Variants in GALNTL6 observed in about 807,000 individuals in gnomAD.
GALNTL6 encodes the protein polypeptide N-acetylgalactosaminyltransferase-like 6.
GALNTL6 carries 46 observed loss-of-function variants against 73.7 expected under a neutral mutation model. That is an observed-to-expected ratio of 0.62 (90% CI 0.49 to 0.80). The LOEUF (loss-of-function observed/expected upper bound fraction) is 0.80, where lower values mean the gene tolerates loss of function less well. Ranked by LOEUF, GALNTL6 falls within the 30% of genes least tolerant of loss-of-function variation. The pLI, the probability that GALNTL6 is intolerant of heterozygous loss-of-function variation, is 0.00. For synonymous variants in GALNTL6, 259 were observed against 263.7 expected (o/e 0.98, Z 0.17); for missense variants, 604 against 755.0 (o/e 0.80, Z 2.34).
chr4:172,803,092 C>A (rs1740748277), intron 5 of GALNTL6, among the ~76,000 whole-genome samples: 1 of 152,232 alleles, frequency 6.6e-6, no homozygotes, highest in Non-Finnish European at 1.5e-5. Flanking sequence ...GGAATAAACT[C>A]TCTTCTTTCC....
At position 172,348,623 on chromosome 4, in the gene GALNTL6, A is replaced by G. The variant is rs541973661; in HGVS notation, c.487A>G (p.Ile163Val). The stretch of plus-strand genomic sequence containing the variant: ...TTCACTCCTGCGGACCATACACAGT[A>G]TAATTAACCGAACCCCAGGGAGTCT... ...WTSLLRTIHSIINRTPGSLIA... is the reference protein window; with the variant it reads ...WTSLLRTIHSVINRTPGSLIA... The change falls in exon 5 of 13, where the codon ATA becomes GTA. Residue 163 changes from isoleucine to valine, a missense_variant. By Grantham distance (29) the Ile-to-Val change is conservative. This residue lies in a region of GALNTL6 where 179 missense variants were observed against 230.8 expected (regional missense o/e 0.78). Coordinates refer to ENST00000506823, the MANE Select transcript of GALNTL6 (RefSeq NM_001034845.3). The G allele has an allele frequency of 6.8e-6, 11 of 1,612,338 alleles. No individual in the cohort carries two copies. In the Admixed American group the frequency reaches 1.5e-4, roughly 22 times the overall value.
At chr4:171,903,642 A>G (rs956528489) in intron 2 of GALNTL6, among the ~76,000 whole-genome samples, 1 of 145,112 alleles carries the variant, frequency 6.9e-6, no homozygotes, top group Non-Finnish European at 1.5e-5. Context: ...GGAGCCCACC[A>G]CAGCTCAAGG....
intron 3 of GALNTL6, among the ~76,000 whole-genome samples, chr4:172,273,719 G>A (rs539011093): frequency 3.3e-5 from 5 of 152,158 alleles, no homozygotes; most frequent in Non-Finnish European, 5.9e-5. Context: ...GATATGAAAC[G>A]AGAGTGACCT....
At chr4:172,383,326 A>C (rs192596823) in intron 5 of GALNTL6, among the ~76,000 whole-genome samples, 12 of 152,150 alleles carry the variant, frequency 7.9e-5, no homozygotes, top group African/African-American at 2.9e-4. Context: ...CAATTATTGA[A>C]CTTTTGTTAC....
At chr4:172,463,872 A>T (rs1353072486) in intron 5 of GALNTL6, among the ~76,000 whole-genome samples, 1 of 152,132 alleles carries the variant, frequency 6.6e-6, no homozygotes, top group African/African-American at 2.4e-5. Flanking sequence ...TTTACCTTTA[A>T]ATAGTATATA....
chr4:172,973,919 T>C (rs1208027033), intron 10 of GALNTL6, among the ~76,000 whole-genome samples: 1 of 152,150 alleles, frequency 6.6e-6, no homozygotes, highest in East Asian at 1.9e-4. Flanking sequence ...AATGTATAGA[T>C]GAGGAAGTAC....
chr4:172,681,491 G>A (rs1422756691), intron 5 of GALNTL6, among the ~76,000 whole-genome samples: 1 of 151,982 alleles, frequency 6.6e-6, no homozygotes, highest in African/African-American at 2.4e-5. Context: ...TCTGAATAAT[G>A]ACTTATAATT....
intron 5 of GALNTL6, among the ~76,000 whole-genome samples, chr4:172,397,970 T>G (rs1743910473): frequency 6.6e-6 from 1 of 152,140 alleles, no homozygotes; most frequent in Non-Finnish European, 1.5e-5. Flanking sequence ...GATTCTTCTG[T>G]CCTTCTTTGG....
intron 5 of GALNTL6, among the ~76,000 whole-genome samples, chr4:172,395,515 C>T (rs6845369): frequency 0.016 from 2,425 of 152,052 alleles, 56 homozygotes; most frequent in African/African-American, 0.055. Flanking sequence ...ATATTTTTCT[C>T]TTGAATATAT....
chr4:173,039,824 T>G, intron 12 of GALNTL6, 109 bp from the exon 13 acceptor site: 1 of 842,508 alleles, frequency 1.2e-6, no homozygotes, highest in East Asian at 2.7e-5. Flanking sequence ...ATTTACACAA[T>G]AAATATATAC....
intron 8 of GALNTL6, among the ~76,000 whole-genome samples, chr4:172,904,918 A>C (rs1424838083): frequency 1.3e-5 from 2 of 152,190 alleles, no homozygotes; most frequent in Non-Finnish European, 2.9e-5. Context: ...ACACAAATGC[A>C]CATATATAAT....
At chr4:172,102,863 C>A (rs1005668345) in intron 2 of GALNTL6, among the ~76,000 whole-genome samples, 2 of 152,120 alleles carry the variant, frequency 1.3e-5, no homozygotes, top group African/African-American at 2.4e-5. Flanking sequence ...AAGGCTCCTG[C>A]AGTTTAATGG....
At chr4:172,703,257 C>T (rs1734134133) in intron 5 of GALNTL6, among the ~76,000 whole-genome samples, 1 of 151,958 alleles carries the variant, frequency 6.6e-6, no homozygotes, top group South Asian at 2.1e-4. Context: ...GAAAGTGGAC[C>T]TCTTTGCCTT....
intron 2 of GALNTL6, among the ~76,000 whole-genome samples, chr4:172,154,141 A>G (rs899562300): frequency 2.0e-5 from 3 of 148,758 alleles, no homozygotes; most frequent in Non-Finnish European, 4.4e-5. Context: ...CTCATTTTAC[A>G]TAAAAAATCA....
At chr4:172,251,932 C>T (rs894444832) in intron 3 of GALNTL6, among the ~76,000 whole-genome samples, 5 of 152,028 alleles carry the variant, frequency 3.3e-5, no homozygotes, top group South Asian at 4.1e-4. Flanking sequence ...GAACTAAAAA[C>T]GTGGCTTTCG....
At chr4:172,749,127 T>C (rs1037772403) in intron 5 of GALNTL6, among the ~76,000 whole-genome samples, 4 of 151,964 alleles carry the variant, frequency 2.6e-5, no homozygotes, top group Middle Eastern at 6.3e-3. Context: ...TTCACCATGT[T>C]ATCCAGGCTG....
intron 5 of GALNTL6, among the ~76,000 whole-genome samples, chr4:172,397,116 G>C (rs189395330): frequency 1.6e-4 from 25 of 152,238 alleles, no homozygotes; most frequent in African/African-American, 5.8e-4. Context: ...TTGTTCATGT[G>C]AGAGATAGTC....
Position 172,257,852 on chromosome 4 carries a change from G to C in GALNTL6, c.247+28088G>C, listed in dbSNP as rs181339229. ...GCAGAGAAGCCTATCTGATCATTTAGTAATATATGTACTGTTGATTTCCTA... is the reference window on the plus strand; with the variant it reads ...GCAGAGAAGCCTATCTGATCATTTACTAATATATGTACTGTTGATTTCCTA... On this transcript the variant is annotated intron_variant, in intron 3 of 12. Coordinates refer to ENST00000506823, the MANE Select transcript of GALNTL6 (RefSeq NM_001034845.3). Among the ~76,000 whole-genome samples, 6 of 151,320 alleles carry C rather than the reference G, an allele frequency of 4.0e-5. No individual in the cohort carries two copies. The East Asian group carries it at 9.7e-4, about 24-fold the overall frequency.
chr4:172,120,538 C>T (rs960278708), intron 2 of GALNTL6, among the ~76,000 whole-genome samples: 9 of 151,986 alleles, frequency 5.9e-5, no homozygotes, highest in African/African-American at 1.9e-4. Flanking sequence ...TTGACTTGAC[C>T]ACATCTGCAA....
Sources: gnomAD v4.1 joint callset for allele counts (sites outside exome capture counted in the v4.1 genomes callset) on GRCh38, gnomAD v4.1.1 for gene constraint, gnomAD v4.1.1 regional missense constraint, MANE v1.5 for transcripts, NCBI Gene and HGNC (gene_info 2026-07-23, HGNC 2026-07-21) for gene names.